Variants in ZNF184 observed in about 807,000 individuals in gnomAD.
The protein encoded by ZNF184 is zinc finger protein 184.
Under a neutral mutation model 54.4 loss-of-function variants are expected in ZNF184, and 16 were observed. The ratio of observed to expected loss-of-function variants is 0.29; its 90% CI spans 0.20 to 0.45. The LOEUF is 0.45. Among genes scored for constraint, ZNF184 ranks in the 20% least tolerant of loss-of-function variants. The pLI, the probability that ZNF184 is intolerant of heterozygous loss-of-function variation, is 1.00. For synonymous variants in ZNF184, 254 were observed against 295.3 expected, an observed-to-expected ratio of 0.86 and a Z score of 1.43; for missense variants, 681 against 888.2, an observed-to-expected ratio of 0.77 and a Z score of 2.97.
chr6:27,423,745 T>C, the ZNF184 span, among the ~76,000 whole-genome samples: 1 of 152,170 alleles, frequency 6.6e-6, no homozygotes, highest in African/African-American at 2.4e-5. Context: ...AAAGAAAGAT[T>C]ATGTGTATTA....
the ZNF184 span, among the ~76,000 whole-genome samples, chr6:27,423,098 C>T: frequency 6.6e-6 from 1 of 152,246 alleles, no homozygotes; most frequent in South Asian, 2.1e-4. Flanking sequence ...CTCTTGGATG[C>T]TAGTCGCGTA....
At chr6:27,419,579 T>A in the ZNF184 span, among the ~76,000 whole-genome samples, 1 of 152,164 alleles carries the variant, frequency 6.6e-6, no homozygotes, top group African/African-American at 2.4e-5. The surrounding 1 kb of genome is among the most constrained non-coding windows in gnomAD (Gnocchi z 4.8). Flanking sequence ...GATAGATTCA[T>A]AAATAGATAG....
the ZNF184 span, among the ~76,000 whole-genome samples, chr6:27,413,140 C>T: frequency 1.3e-5 from 2 of 152,166 alleles, no homozygotes; most frequent in Non-Finnish European, 1.5e-5. Flanking sequence ...TGCCTGTAAT[C>T]CCAGCTACTC....
downstream of ZNF184, among the ~76,000 whole-genome samples, chr6:27,449,055 A>G (rs143392570): frequency 1.1e-3 from 162 of 152,284 alleles, no homozygotes; most frequent in African/African-American, 3.7e-3. Flanking sequence ...GAAGACTTAA[A>G]TGTTTAAGGA....
chr6:27,407,673 G>T, the ZNF184 span: 1 of 660,876 alleles, frequency 1.5e-6, no homozygotes, highest in Non-Finnish European at 2.8e-6. Context: ...TGCAAGCCTG[G>T]ATGTCCACCT....
At position 27,469,051 on chromosome 6, in the gene ZNF184, G is replaced by T. The variant is rs1036207424; in HGVS notation, c.8-1131C>A. On this transcript the variant is annotated intron_variant, in intron 2 of 5. Coordinates refer to ENST00000683788, the MANE Select transcript of ZNF184 (RefSeq NM_001318891.2). ...CTTTGCTCTTGGGGGAATCCACTTAGAGTACTGGTTGACAGGAAAGCCTGA... is the reference window on the plus strand; with the variant it reads ...CTTTGCTCTTGGGGGAATCCACTTATAGTACTGGTTGACAGGAAAGCCTGA... 9.2e-5 allele frequency among the ~76,000 whole-genome samples: 14 copies of T among 152,314 alleles called. 1 individual carries two copies. Among genetic ancestry groups the T allele is most frequent in the Admixed American group, 3.3e-4 (5 of 15,308 alleles).
At chr6:27,411,306 C>T in the ZNF184 span, among the ~76,000 whole-genome samples, 154 of 152,280 alleles carry the variant, frequency 1.0e-3, 1 homozygote, top group Non-Finnish European at 1.0e-3. Context: ...CCAAAGACCC[C>T]ACCTCCTACA....
rs1047546951 is a variant in ZNF184 at position 27,451,511 on chromosome 6, G to A, written c.2048C>T (p.Thr683Ile). 6.2e-7 allele frequency: 1 copy of A among 1,614,156 alleles called. No homozygotes were observed. The highest frequency in any genetic ancestry group is 1.1e-5 in the South Asian group (1 of 91,082). ...NECDKAFSRSTHLTEHQNTHT... is the reference protein window; with the variant it reads ...NECDKAFSRSIHLTEHQNTHT... ...AGTATTCTGATGTTCAGTCAGATGAGTGCTCCGGCTAAAGGCTTTGTCACA... is the reference window on the plus strand; with the variant it reads ...AGTATTCTGATGTTCAGTCAGATGAATGCTCCGGCTAAAGGCTTTGTCACA... The change falls in exon 6 of 6, where the codon ACT becomes ATT. Residue 683 changes from threonine (T) to isoleucine (I), a missense_variant. Transcript: ENST00000683788.
chr6:27,447,453 C>T (rs1357930968), downstream of ZNF184, among the ~76,000 whole-genome samples: 1 of 152,096 alleles, frequency 6.6e-6, no homozygotes, highest in Non-Finnish European at 1.5e-5. Context: ...TGACTCATGC[C>T]TGTAATCCTG....
the ZNF184 span, among the ~76,000 whole-genome samples, chr6:27,419,679 C>T: frequency 6.8e-5 from 10 of 146,210 alleles, no homozygotes; most frequent in Non-Finnish European, 1.5e-4. This position sits in a 1 kb window ranked among gnomAD's most constrained non-coding sequence, Gnocchi z 4.8. Flanking sequence ...ATCAGTGACT[C>T]ATCTCTTCTC....
At chr6:27,430,782 TAC>T in the ZNF184 span, among the ~76,000 whole-genome samples, 52 of 152,352 alleles carry the variant, frequency 3.4e-4, no homozygotes, top group Admixed American at 7.2e-4. Flanking sequence ...GAAACAAATA[TAC>T]TCTTCTTTTG....
At chr6:27,449,492 C>T (rs1288966116), downstream of ZNF184, among the ~76,000 whole-genome samples, 1 of 152,230 alleles carries the variant, frequency 6.6e-6, no homozygotes, top group Admixed American at 6.5e-5. Flanking sequence ...GGTGACTACA[C>T]CTGTAATCCC....
the ZNF184 span, among the ~76,000 whole-genome samples, chr6:27,418,281 C>T: frequency 5.3e-5 from 8 of 152,184 alleles, no homozygotes; most frequent in Non-Finnish European, 8.8e-5. Context: ...ACACAGTGCA[C>T]GTTGCTAGTG....
At chr6:27,413,701 C>T in the ZNF184 span, among the ~76,000 whole-genome samples, 68 of 152,302 alleles carry the variant, frequency 4.5e-4, 1 homozygote, top group African/African-American at 1.6e-3. Flanking sequence ...TACTATCATA[C>T]TTAACAAAAT....
chr6:27,413,940 T>C, the ZNF184 span, among the ~76,000 whole-genome samples: 1 of 152,172 alleles, frequency 6.6e-6, no homozygotes, highest in Non-Finnish European at 1.5e-5. Context: ...TTCAGAGCAT[T>C]GGCTTCCTGC....
Position 27,450,819 on chromosome 6 carries a change from G to A in ZNF184, c.*484C>T, listed in dbSNP as rs1261233273. 6.7e-6 allele frequency: 1 copy of A among 149,584 alleles called. No individual in the cohort carries two copies. Among genetic ancestry groups the A allele is most frequent in the Non-Finnish European group, 1.5e-5 (1 of 67,734 alleles). 9.3% of individuals were successfully genotyped at this position (149,584 alleles called of 1,614,324 possible). A position where few individuals can be genotyped will look rare whatever the true frequency, so the allele number is the denominator to read the frequency against. On this transcript the variant is annotated 3_prime_UTR_variant, in exon 6 of 6. Transcript: ENST00000683788. ...ATGCAATTGAATTGTTAATTTGAGG[G>A]TATTTTATAATTCTTTTTATTAGGA...
At chr6:27,433,071 A>G in the ZNF184 span, among the ~76,000 whole-genome samples, 1 of 152,208 alleles carries the variant, frequency 6.6e-6, no homozygotes, top group East Asian at 1.9e-4. Flanking sequence ...CCCAGCCTTC[A>G]AGTCTTCCAA....
downstream of ZNF184, among the ~76,000 whole-genome samples, chr6:27,446,263 T>C (rs1262396689): frequency 6.6e-6 from 1 of 152,094 alleles, no homozygotes; most frequent in African/African-American, 2.4e-5. Context: ...GGTAAAATGA[T>C]TTAGGGGAAA....
chr6:27,424,558 A>G, the ZNF184 span, among the ~76,000 whole-genome samples: 2 of 152,080 alleles, frequency 1.3e-5, no homozygotes, highest in Non-Finnish European at 2.9e-5. Context: ...TATGGACACA[A>G]AGGTTCTCCA....
Sources: allele counts gnomAD v4.1 joint callset (sites outside exome capture counted in the v4.1 genomes callset), GRCh38; gene constraint gnomAD v4.1.1; non-coding constraint Gnocchi (gnomAD v3.1); transcripts MANE v1.5; gene names NCBI Gene and HGNC (gene_info 2026-07-23, HGNC 2026-07-21).